TBCD: variants seen among roughly 807,000 people sequenced by gnomAD.
TBCD encodes tubulin-specific chaperone D.
Under a neutral mutation model 169.3 loss-of-function variants are expected in TBCD, and 105 were observed. The ratio of observed to expected loss-of-function variants is 0.62; its 90% CI spans 0.53 to 0.73. The LOEUF is 0.73. TBCD is among the 30% of genes least tolerant of loss of function. The pLI is 0.00. For missense variants in TBCD, 1,444 were observed against 1,600.1 expected, an observed-to-expected ratio of 0.90 and a Z score of 1.66; for synonymous variants, 700 against 643.9, an observed-to-expected ratio of 1.09 and a Z score of -1.32.
In TBCD at chr17:82,783,038, G is replaced by T. The variant is rs1411750402; in HGVS notation, c.771+1317G>T. On this transcript the variant is annotated intron_variant, in intron 7 of 38. Coordinates refer to ENST00000355528, the MANE Select transcript of TBCD (RefSeq NM_005993.5). ...TCTGTGGTATCATCTTCCTGCCCGC[G>T]GTTTTGTCCTGGCCGTGGCAGGTTC... is the stretch of plus-strand genomic sequence containing the variant. Among the ~76,000 whole-genome samples the T allele has an allele frequency of 2.6e-5, 4 of 151,972 alleles. No individual in the cohort carries two copies. In the South Asian group the frequency reaches 8.3e-4, roughly 32 times the overall value.
At position 82,848,268 on chromosome 17, in the gene TBCD, T is replaced by C. The variant is rs375044337; in HGVS notation, c.1319-21956T>C. Among the ~76,000 whole-genome samples, 18 of 152,316 alleles carry C rather than the reference T, an allele frequency of 1.2e-4. No individual in the cohort carries two copies. The East Asian group carries it at 2.3e-3, about 20-fold the overall frequency. ...AGAGTCAGAGGGAGGGCGAGCGGCTTTTGGTTTCTGTTTAAACAGCGTCCT... is the reference window on the plus strand; with the variant it reads ...AGAGTCAGAGGGAGGGCGAGCGGCTCTTGGTTTCTGTTTAAACAGCGTCCT... On this transcript the variant is annotated intron_variant, in intron 13 of 38. Coordinates refer to ENST00000355528, the MANE Select transcript of TBCD (RefSeq NM_005993.5).
chr17:82,801,147 G>A (rs550116546), intron 9 of TBCD, among the ~76,000 whole-genome samples, 151 bp downstream of exon 9: 1 of 148,598 alleles, frequency 6.7e-6, no homozygotes, highest in African/African-American at 2.6e-5. Context: ...GGGGAGGCAG[G>A]CGCCATGGGG....
At position 82,760,236 on chromosome 17, in the gene TBCD, A is replaced by T. The variant is rs779687864; in HGVS notation, c.236-3729A>T. Among the ~76,000 whole-genome samples the T allele has an allele frequency of 2.5e-4, 38 of 152,110 alleles. 1 individual carries two copies. Among genetic ancestry groups the T allele is most frequent in the Middle Eastern group, 3.4e-3 (1 of 294 alleles). ...GGCATCCTTTCCTCTTATTTTCTTG[A>T]TGGTTTTGTAGCCCGTTCATTAATG... On this transcript the variant is annotated intron_variant, in intron 2 of 38. Coordinates refer to ENST00000355528, the MANE Select transcript of TBCD (RefSeq NM_005993.5).
Position 82,804,743 on chromosome 17 carries a change from C to G in TBCD, c.951-1132C>G, listed in dbSNP as rs537809272. Among the ~76,000 whole-genome samples, 114 of 152,334 alleles carry G rather than the reference C, an allele frequency of 7.5e-4. 1 individual carries two copies. Among genetic ancestry groups the G allele is most frequent in the Admixed American group, 1.4e-3 (22 of 15,306 alleles). ...AGGTGGCAGCTCTCACCAGACTCTG[C>G]GTATTCTGTTCCTTGGGAGGGAATC... is the stretch of plus-strand genomic sequence containing the variant. On this transcript the variant is annotated intron_variant, in intron 9 of 38. Transcript: ENST00000355528.
At chr17:82,752,476 C>T in intron 1 of TBCD, 99 bp downstream of exon 1, 9 of 1,009,288 alleles carry the variant, frequency 8.9e-6, no homozygotes, top group Non-Finnish European at 9.8e-6. Flanking sequence ...GCGGCGCCGG[C>T]CGCTCTGCGA....
chr17:82,851,525 C>T (rs369887854), intron 13 of TBCD, among the ~76,000 whole-genome samples: 35 of 152,264 alleles, frequency 2.3e-4, no homozygotes, highest in South Asian at 8.3e-4. Context: ...CCACAGGGCC[C>T]GAGGTTCTCT....
chr17:82,756,046 A>G, intron 1 of TBCD, 119 bp from the exon 2 acceptor site: 1 of 868,902 alleles, frequency 1.2e-6, no homozygotes, highest in Non-Finnish European at 1.9e-6. Context: ...TGTGCTCTTG[A>G]GAGCTGGGGA....
At chr17:82,875,560 C>T (rs2057906268) in intron 14 of TBCD, among the ~76,000 whole-genome samples, 2 of 152,234 alleles carry the variant, frequency 1.3e-5, no homozygotes, top group African/African-American at 4.8e-5. Flanking sequence ...GGGGCAGCCT[C>T]TGACTTTCGG....
At position 82,836,818 on chromosome 17, in the gene TBCD, A is replaced by G. The variant is rs556615076; in HGVS notation, c.1318+21884A>G. Among the ~76,000 whole-genome samples the G allele has an allele frequency of 2.0e-5, 3 of 152,366 alleles. No individual in the cohort carries two copies. In the South Asian group the frequency reaches 6.2e-4, roughly 32 times the overall value. ...CGTGTAAGCTCTGCTGTTGCCCAAA[A>G]TAGTAATTAGGGAAATAATTGCTTT... On this transcript the variant is annotated intron_variant, in intron 13 of 38. Transcript: ENST00000355528.
intron 14 of TBCD, among the ~76,000 whole-genome samples, chr17:82,877,206 A>G (rs1479409939): frequency 6.6e-6 from 1 of 152,214 alleles, no homozygotes; most frequent in African/African-American, 2.4e-5. Context: ...TTCTTGATTC[A>G]TATTTTTCCC....
At chr17:82,791,776 T>G (rs1485305030) in intron 7 of TBCD, among the ~76,000 whole-genome samples, 1 of 152,210 alleles carries the variant, frequency 6.6e-6, no homozygotes, top group African/African-American at 2.4e-5. Context: ...ATGAGGGTAG[T>G]CCTGAGAACT....
rs2057846196 is a variant in TBCD at position 82,874,725 on chromosome 17, G to A, written c.1475+4345G>A. ...GCTGCACCAGGTGAGCGTGTGGGAT[G>A]CTGCTGGTGCGAGCCTCCCTGCCCA... On this transcript the variant is annotated intron_variant, in intron 14 of 38. Transcript: ENST00000355528. The surrounding 1 kb of genome is among the most constrained non-coding windows in gnomAD (Gnocchi z 5.0). 6.6e-6 allele frequency among the ~76,000 whole-genome samples: 1 copy of A among 152,192 alleles called. No homozygotes were observed. Among genetic ancestry groups the A allele is most frequent in the Admixed American group, 6.5e-5 (1 of 15,282 alleles).
At chr17:82,934,918 G>C (rs2062492120) in intron 34 of TBCD, among the ~76,000 whole-genome samples, 1 of 151,796 alleles carries the variant, frequency 6.6e-6, no homozygotes, top group Non-Finnish European at 1.5e-5. Flanking sequence ...GGCCAACTTG[G>C]TGAAACCCCA....
intron 13 of TBCD, among the ~76,000 whole-genome samples, chr17:82,827,419 C>G (rs1331755801): frequency 6.6e-6 from 1 of 152,164 alleles, no homozygotes; most frequent in African/African-American, 2.4e-5. Context: ...TGGAGAAACC[C>G]TTTCTCAAGC....
chr17:82,930,095 GC>G lies in TBCD; in HGVS notation c.2992-423del. ...TGTGGGCGCGTGCGGGGAGACCCGG[GC>G]CCCAGGACGTGAGGTGCCCTCTGCG... On this transcript the variant is annotated intron_variant, in intron 32 of 38. Transcript: ENST00000355528. This position sits in a 1 kb window ranked among gnomAD's most constrained non-coding sequence, Gnocchi z 5.2. 7.9e-6 allele frequency: 2 copies of G among 253,276 alleles called. No homozygotes were observed. The highest frequency in any genetic ancestry group is 1.4e-3 in the Middle Eastern group (1 of 706). 15.7% of individuals were successfully genotyped at this position (253,276 alleles called of 1,614,324 possible). A position where few individuals can be genotyped will look rare whatever the true frequency, so the allele number is the denominator to read the frequency against.
intron 9 of TBCD, among the ~76,000 whole-genome samples, chr17:82,805,534 C>T (rs541828358): frequency 2.6e-5 from 4 of 152,270 alleles, no homozygotes; most frequent in African/African-American, 4.8e-5. Flanking sequence ...TGCCAGGAGG[C>T]AGAGGGTCCC....
chr17:82,861,145 G>T (rs114737362), intron 13 of TBCD, among the ~76,000 whole-genome samples: 3,756 of 152,168 alleles, frequency 0.025, 176 homozygotes, highest in African/African-American at 0.086. Flanking sequence ...TCAGCTGCAC[G>T]GATGCACGGC....
intron 2 of TBCD, among the ~76,000 whole-genome samples, chr17:82,756,766 C>G (rs2047424272): frequency 6.6e-6 from 1 of 152,232 alleles, no homozygotes; most frequent in Admixed American, 6.5e-5. Flanking sequence ...GCGTGAGCCA[C>G]CGCGCCTGGC....
chr17:82,814,056 C>T (rs982746460), intron 12 of TBCD, among the ~76,000 whole-genome samples: 2 of 152,108 alleles, frequency 1.3e-5, no homozygotes, highest in African/African-American at 2.4e-5. Flanking sequence ...TGAACCACCC[C>T]GGGGAAATTA....
Sources: allele counts gnomAD v4.1 joint callset (sites outside exome capture counted in the v4.1 genomes callset), GRCh38; gene constraint gnomAD v4.1.1; non-coding constraint Gnocchi (gnomAD v3.1); transcripts MANE v1.5; gene names NCBI Gene and HGNC (gene_info 2026-07-23, HGNC 2026-07-21).